The following FAM228B variants were observed in gnomAD, a reference collection of about 807,000 sequenced individuals.
FAM228B encodes protein FAM228B.
FAM228B carries 38 observed loss-of-function variants against 42.6 expected under a neutral mutation model. The observed-to-expected ratio is 0.89, with a 90% CI of 0.69 to 1.17. FAM228B has a LOEUF of 1.17. Ranked by LOEUF, FAM228B falls within the 50% of genes most tolerant of loss-of-function variation. The pLI is 0.00. For missense variants in FAM228B, 344 were observed against 367.3 expected, an observed-to-expected ratio of 0.94 and a Z score of 0.52; for synonymous variants, 109 against 122.3, an observed-to-expected ratio of 0.89 and a Z score of 0.72.
Position 24,161,602 on chromosome 2 carries a change from A to G in FAM228B, c.783A>G (p.Thr261=), listed in dbSNP as rs1558395592. ...TGGAATCCCAGGAAGAAGAAAAAAC[A>G]GTTATTTACAAGTAAGTCTGTTCTT... ...YLLESQEEEK[T]VIYKNKGSSF... is the part of the protein sequence containing the mutation. The change falls in exon 8 of 11, where the codon ACA becomes ACG. Residue 261 remains threonine (T), a synonymous_variant. Coordinates refer to ENST00000615575, the MANE Select transcript of FAM228B (RefSeq NM_001145710.2). The G allele has an allele frequency of 6.5e-7, 1 of 1,530,468 alleles. No individual in the cohort carries two copies. The highest frequency in any genetic ancestry group is 1.4e-5 in the African/African-American group (1 of 72,880). The allele number at this position is 1,530,468 out of a possible 1,614,324, so 94.8% of individuals were successfully genotyped here.
At chr2:24,133,451 C>T (rs531006599) in intron 2 of FAM228B, among the ~76,000 whole-genome samples, 29 of 152,302 alleles carry the variant, frequency 1.9e-4, no homozygotes, top group Admixed American at 1.7e-3. Flanking sequence ...TGGGGAAGGA[C>T]AGTTCTTAGA....
intron 2 of FAM228B, 81 bp downstream of exon 2, chr2:24,124,541 G>GT (rs1490732050): frequency 1.1e-5 from 8 of 742,594 alleles, no homozygotes; most frequent in African/African-American, 7.2e-5. Context: ...TAAATATATT[G>GT]TTTTTTCTAT....
At chr2:24,147,180 A>G in intron 7 of FAM228B, 94 bp downstream of exon 7, 1 of 914,742 alleles carries the variant, frequency 1.1e-6, no homozygotes, top group Non-Finnish European at 1.5e-6. Flanking sequence ...ATTTTTTAAA[A>G]TTATCATTTT....
At chr2:24,145,206 T>C (rs1666865124) in intron 5 of FAM228B, among the ~76,000 whole-genome samples, 2 of 152,158 alleles carry the variant, frequency 1.3e-5, no homozygotes, top group Admixed American at 1.3e-4. Context: ...CCGGTGCCAC[T>C]GTATACTGCT....
chr2:24,084,038 C>A lies in FAM228B; in HGVS notation c.-210+3083C>A. ...CCTTGTTTTGCATGAACAAAGAGGG[C>A]GCCCTGGGTTTAGGTCTGGGAAGCC... is the stretch of plus-strand genomic sequence containing the variant. On this transcript the variant is annotated intron_variant, in intron 2 of 10. Coordinates refer to the FAM228B transcript ENST00000613899. This position sits in a 1 kb window ranked among gnomAD's most constrained non-coding sequence, Gnocchi z 8.4. 3.2e-6 allele frequency: 4 copies of A among 1,248,144 alleles called. No homozygotes were observed. Among genetic ancestry groups the A allele is most frequent in the Non-Finnish European group, 4.3e-6 (4 of 933,384 alleles). 77.3% of individuals were successfully genotyped at this position (1,248,144 alleles called of 1,614,324 possible). A position where few individuals can be genotyped will look rare whatever the true frequency, so the allele number is the denominator to read the frequency against.
intron 7 of FAM228B, among the ~76,000 whole-genome samples, chr2:24,158,979 A>G (rs148247824): frequency 6.6e-6 from 1 of 152,210 alleles, no homozygotes; most frequent in African/African-American, 2.4e-5. Flanking sequence ...CTAGCTACTG[A>G]TGGTTGAAGC....
chr2:24,167,688 A>C lies in FAM228B; in HGVS notation c.*14+5A>C. The C allele has an allele frequency of 6.4e-7, 1 of 1,551,262 alleles. No individual in the cohort carries two copies. Among genetic ancestry groups the C allele is most frequent in the Non-Finnish European group, 8.7e-7 (1 of 1,146,708 alleles). On this transcript the variant is annotated splice_donor_5th_base_variant and intron_variant, in intron 10 of 10. Transcript: ENST00000615575. ...GCTATAAGAAAGAAGAGGGAGGTAGATGTCTTCTCTCTTTCCCTTCTTACT... is the reference window on the plus strand; with the variant it reads ...GCTATAAGAAAGAAGAGGGAGGTAGCTGTCTTCTCTCTTTCCCTTCTTACT...
chr2:24,165,654 A>G (rs1048832408), intron 9 of FAM228B, among the ~76,000 whole-genome samples: 6 of 152,162 alleles, frequency 3.9e-5, no homozygotes, highest in Non-Finnish European at 4.4e-5. Flanking sequence ...GAAGAGCACA[A>G]TTTTATATCC....
At chr2:24,113,459 A>C (rs1045933273) in intron 3 of FAM228B, among the ~76,000 whole-genome samples, 4 of 152,200 alleles carry the variant, frequency 2.6e-5, no homozygotes, top group Admixed American at 2.6e-4. Context: ...AACCCTAGCT[A>C]CTCGGGAGGC....
At chr2:24,082,733 C>T (rs1237867597) in intron 2 of FAM228B, 1 of 1,118,592 alleles carries the variant, frequency 8.9e-7, no homozygotes, top group African/African-American at 1.6e-5. Flanking sequence ...TCAGCCTCAA[C>T]ATTAAACCCT....
At chr2:24,088,647 G>A (rs770015919) in intron 2 of FAM228B, among the ~76,000 whole-genome samples, 10 of 152,172 alleles carry the variant, frequency 6.6e-5, no homozygotes, top group Non-Finnish European at 1.0e-4. Context: ...CACCGCGCCC[G>A]GCCTATAATA....
rs1414662715 is a variant in FAM228B, at chr2:24,080,611, C to G, written c.-289-265C>G. ...AAGTGTGGATGAATCTTATCTCTTG[C>G]AAGAATGCACATGGAAACCATCTTA... On this transcript the variant is annotated intron_variant, in intron 1 of 10. Transcript: ENST00000613899. The surrounding 1 kb of genome is among the most constrained non-coding windows in gnomAD (Gnocchi z 4.7). The G allele has an allele frequency of 8.0e-6, 5 of 625,098 alleles. No homozygotes were observed. The highest frequency in any genetic ancestry group is 5.6e-5 in the South Asian group (3 of 53,144). The allele number at this position is 625,098 out of a possible 1,614,324, so 38.7% of individuals were successfully genotyped here. A position where few individuals can be genotyped will look rare whatever the true frequency, so the allele number is the denominator to read the frequency against.
At chr2:24,125,625 A>G (rs2151013096) in intron 2 of FAM228B, among the ~76,000 whole-genome samples, 1 of 151,606 alleles carries the variant, frequency 6.6e-6, no homozygotes, top group East Asian at 1.9e-4. Context: ...CACTGGCGTG[A>G]TCTCGGCTCA....
upstream of FAM228B, chr2:24,121,303 G>A (rs201033985): frequency 2.5e-5 from 40 of 1,613,912 alleles, no homozygotes; most frequent in Non-Finnish European, 3.1e-5. Context: ...GGCGTTACCT[G>A]GAGAGGTTAC....
At chr2:24,078,066 G>A (rs1191915815) in intron 1 of FAM228B, among the ~76,000 whole-genome samples, 1 of 152,076 alleles carries the variant, frequency 6.6e-6, no homozygotes, top group Non-Finnish European at 1.5e-5. Context: ...CCTCTGAGAG[G>A]GGTACCCTCC....
chr2:24,125,460 T>C (rs1666285976), intron 2 of FAM228B, among the ~76,000 whole-genome samples: 2 of 152,184 alleles, frequency 1.3e-5, no homozygotes, highest in African/African-American at 2.4e-5. Context: ...GGTGGACATA[T>C]TCAGTACTCC....
intron 7 of FAM228B, among the ~76,000 whole-genome samples, chr2:24,158,664 G>A (rs868273092): frequency 6.6e-6 from 1 of 152,104 alleles, no homozygotes; most frequent in Admixed American, 6.6e-5. Flanking sequence ...CACATTTTTG[G>A]TAATAAGAGT....
At chr2:24,101,822 A>G (rs1039451870) in intron 3 of FAM228B, among the ~76,000 whole-genome samples, 5 of 152,110 alleles carry the variant, frequency 3.3e-5, no homozygotes, top group Admixed American at 1.3e-4. Flanking sequence ...AGCTGGGACT[A>G]CAAGCGCTCA....
chr2:24,112,296 CTTTTT>C (rs397984067), intron 3 of FAM228B, among the ~76,000 whole-genome samples: 1 of 95,746 alleles, frequency 1.0e-5, no homozygotes, highest in African/African-American at 3.8e-5. Flanking sequence ...AAGCTTTCAT[CTTTTT>C]TTTTTTTTTT....
Sources: gnomAD v4.1 joint callset for allele counts (sites outside exome capture counted in the v4.1 genomes callset) on GRCh38, gnomAD v4.1.1 for gene constraint, Gnocchi (gnomAD v3.1) non-coding constraint, MANE v1.5 for transcripts, NCBI Gene and HGNC (gene_info 2026-07-23, HGNC 2026-07-21) for gene names.